Variants in KCNN1 observed in about 807,000 individuals in gnomAD.
KCNN1 encodes the protein small conductance calcium-activated potassium channel protein 1.
In KCNN1, 20 loss-of-function variants were observed where a neutral mutation model predicts 44.7. That is an observed-to-expected ratio of 0.45 (90% CI 0.32 to 0.65). The LOEUF (loss-of-function observed/expected upper bound fraction) is 0.65. Among genes scored for constraint, KCNN1 ranks in the 30% least tolerant of loss-of-function variants. The pLI, the probability that KCNN1 is intolerant of heterozygous loss-of-function variation, is 0.05. For missense variants in KCNN1, 632 were observed against 785.3 expected, an observed-to-expected ratio of 0.80 and a Z score of 2.33; for synonymous variants, 324 against 341.7, an observed-to-expected ratio of 0.95 and a Z score of 0.57.
At chr19:17,965,138 G>A (rs530541566), upstream of KCNN1, among the ~76,000 whole-genome samples, 2 of 152,122 alleles carry the variant, frequency 1.3e-5, no homozygotes, top group Non-Finnish European at 2.9e-5. Flanking sequence ...GGTGGTGCAC[G>A]CCTGTAATCC....
In KCNN1 at chr19:17,993,043, G is replaced by A; in HGVS notation, c.1299-11G>A. 1 of 1,613,564 alleles carries A rather than the reference G, an allele frequency of 6.2e-7. No individual in the cohort carries two copies. Among genetic ancestry groups the A allele is most frequent in the Non-Finnish European group, 8.5e-7 (1 of 1,179,714 alleles). ...TTGTGATTTTTCTCCTGCTCTGCCC[G>A]GTCCTGCCAGGGCTCAGAAGTAAGT... On this transcript the variant is annotated splice_polypyrimidine_tract_variant and intron_variant, in intron 7 of 9. Transcript: ENST00000684775. This position sits in a 1 kb window ranked among gnomAD's most constrained non-coding sequence, Gnocchi z 4.5.
rs74605845 is a variant in KCNN1 at position 17,960,200 on chromosome 19, C to T, written c.-82+5519C>T. 1.1e-4 allele frequency among the ~76,000 whole-genome samples: 17 copies of T among 152,214 alleles called. No homozygotes were observed. The East Asian group carries it at 2.7e-3, about 24-fold the overall frequency. On this transcript the variant is annotated intron_variant, in intron 2 of 10. Transcript: ENST00000222249. ...GGAGCACTAGTGCTGAACCTCATGC[C>T]ACTGGCCTCCAATGAGGCCATATCA...
rs2033047859 is a variant in KCNN1 at position 17,997,723 on chromosome 19, G to A, written c.1378-429G>A. On this transcript the variant is annotated intron_variant, in intron 9 of 9. Coordinates refer to ENST00000684775, the MANE Select transcript of KCNN1 (RefSeq NM_001386974.1). ...TCAAACTCCTGACCTCAGGCGATTC[G>A]CCTGCCTCGGCCTCCCAAAGTGCTG... 2.0e-5 allele frequency among the ~76,000 whole-genome samples: 3 copies of A among 151,906 alleles called. No homozygotes were observed. The South Asian group carries it at 6.2e-4, about 31-fold the overall frequency.
intron 5 of KCNN1, among the ~76,000 whole-genome samples, chr19:17,987,482 G>C (rs1468672882): frequency 6.6e-6 from 1 of 152,130 alleles, no homozygotes; most frequent in Non-Finnish European, 1.5e-5. Context: ...TCATGCTGTT[G>C]CAGAGCCGTT....
At chr19:17,991,135 T>A (rs1481256234) in intron 7 of KCNN1, among the ~76,000 whole-genome samples, 2 of 151,318 alleles carry the variant, frequency 1.3e-5, no homozygotes, top group African/African-American at 4.9e-5. Flanking sequence ...GGAAACATAG[T>A]GAGACCCCAC....
At chr19:17,978,434 T>TG (rs1251733715) in intron 3 of KCNN1, among the ~76,000 whole-genome samples, 2 of 149,782 alleles carry the variant, frequency 1.3e-5, no homozygotes, top group Non-Finnish European at 3.0e-5. Flanking sequence ...GTTTTTTTTT[T>TG]TTTTTTTTTT....
In KCNN1 at chr19:17,974,178, G is replaced by A. The variant is rs768027714; in HGVS notation, c.290G>A (p.Arg97Gln). Residue 97 changes from arginine (R) to glutamine (Q), a missense_variant, in exon 2 of 10, where the codon CGG (arginine) becomes CAG (glutamine). Arg to Gln is a conservative substitution (Grantham distance 43, BLOSUM62 1). Coordinates refer to ENST00000684775, the MANE Select transcript of KCNN1 (RefSeq NM_001386974.1). The surrounding 1 kb of genome is among the most constrained non-coding windows in gnomAD (Gnocchi z 7.3). ...SNVGHRLGHR[R>Q]ALFEKRKRLS... ...GTGGGCCACCGCCTGGGCCACCGGC[G>A]GGCGCTCTTCGAGAAGCGGAAGCGC... is the stretch of plus-strand genomic sequence containing the variant. 12 of 1,612,724 alleles carry A rather than the reference G, an allele frequency of 7.4e-6. No homozygotes were observed. Among genetic ancestry groups the A allele is most frequent in the South Asian group, 3.3e-5 (3 of 91,082 alleles).
At chr19:17,992,432 T>C (rs892921402) in intron 7 of KCNN1, among the ~76,000 whole-genome samples, 1 of 152,082 alleles carries the variant, frequency 6.6e-6, no homozygotes, top group African/African-American at 2.4e-5. Context: ...AAACCCCATC[T>C]CTACTAAAAA....
chr19:17,992,579 TGACAGA>T (rs1339985955), intron 7 of KCNN1, among the ~76,000 whole-genome samples: 4 of 152,042 alleles, frequency 2.6e-5, no homozygotes, highest in South Asian at 2.1e-4. Flanking sequence ...CCCGCCTGGG[TGACAGA>T]GTGAGACTCC....
At chr19:17,966,492 T>C (rs1469620978), upstream of KCNN1, among the ~76,000 whole-genome samples, 1 of 152,212 alleles carries the variant, frequency 6.6e-6, no homozygotes, top group African/African-American at 2.4e-5. Context: ...CCAAACTCCC[T>C]GGGGCTCTGG....
At chr19:17,994,105 G>A (rs1184528869) in intron 9 of KCNN1, among the ~76,000 whole-genome samples, 2 of 152,028 alleles carry the variant, frequency 1.3e-5, no homozygotes, top group Non-Finnish European at 2.9e-5. Context: ...TGTATAATTT[G>A]TATAGCAATT....
upstream of KCNN1, among the ~76,000 whole-genome samples, chr19:17,966,019 G>T (rs377662848): frequency 1.3e-4 from 17 of 132,124 alleles, no homozygotes; most frequent in South Asian, 7.3e-4. Context: ...CTGCCTGCCT[G>T]CCTGCCTTCC....
At chr19:17,964,161 C>G (rs937561606), upstream of KCNN1, among the ~76,000 whole-genome samples, 15 of 152,148 alleles carry the variant, frequency 9.9e-5, no homozygotes, top group African/African-American at 3.6e-4. This position sits in a 1 kb window ranked among gnomAD's most constrained non-coding sequence, Gnocchi z 4.3. Context: ...AAATAAATGG[C>G]TGAATGAGTG....
intron 4 of KCNN1, 53 bp from the exon 5 acceptor site, chr19:17,985,259 C>T (rs2032558070): frequency 2.0e-6 from 3 of 1,484,084 alleles, no homozygotes; most frequent in Non-Finnish European, 1.8e-6. Flanking sequence ...GTGATGGAGG[C>T]AAAGGGGATG....
rs112631513 is a variant in KCNN1 at position 17,974,641 on chromosome 19, A to G, written c.402+351A>G. On this transcript the variant is annotated intron_variant, in intron 2 of 9. Transcript: ENST00000684775. The surrounding 1 kb of genome is among the most constrained non-coding windows in gnomAD (Gnocchi z 7.3). Reference sequence around the variant, plus strand: ...TTCCGAGAGTGAGTGCGTCCAGGTTACAAGCCTGGCTGTGGGTTCCCTCAT... The same window carrying G: ...TTCCGAGAGTGAGTGCGTCCAGGTTGCAAGCCTGGCTGTGGGTTCCCTCAT... 0.022 allele frequency among the ~76,000 whole-genome samples: 3,285 copies of G among 152,258 alleles called. 111 individuals carry two copies. The highest frequency in any genetic ancestry group is 0.074 in the African/African-American group (3,082 of 41,544).
rs897662048 is a variant in KCNN1 at position 17,961,522 on chromosome 19, A to G, written c.-82+6841A>G. Among the ~76,000 whole-genome samples, 7 of 152,002 alleles carry G rather than the reference A, an allele frequency of 4.6e-5. 1 individual carries two copies. The highest frequency in any genetic ancestry group is 3.8e-4 in the East Asian group (2 of 5,200). ...CACTGCACTCCAGTGTGGGTGAGAG[A>G]GTGAGACCCAGCTTCAAAAACAAAA... On this transcript the variant is annotated intron_variant, in intron 2 of 10. Transcript: ENST00000222249.
At chr19:17,990,894 G>A (rs1442192282) in intron 7 of KCNN1, among the ~76,000 whole-genome samples, 1 of 151,928 alleles carries the variant, frequency 6.6e-6, no homozygotes, top group Non-Finnish European at 1.5e-5. Flanking sequence ...ATTTAATAAA[G>A]TAGCTCTAAA....
intron 9 of KCNN1, among the ~76,000 whole-genome samples, chr19:17,994,488 A>G (rs1343216681): frequency 6.6e-6 from 1 of 151,420 alleles, no homozygotes; most frequent in Non-Finnish European, 1.5e-5. Flanking sequence ...TTTGTGTTAT[A>G]CATGGATCTG....
rs11882509 is a variant in KCNN1, at chr19:17,967,116, C to T, written c.-283C>T. 5 of 978,166 alleles carry T rather than the reference C, an allele frequency of 5.1e-6. No homozygotes were observed. Among genetic ancestry groups the T allele is most frequent in the Non-Finnish European group, 6.1e-6 (5 of 825,448 alleles). 60.6% of individuals were successfully genotyped at this position (978,166 alleles called of 1,614,324 possible). On this transcript the variant is annotated 5_prime_UTR_variant, in exon 1 of 10. Coordinates refer to ENST00000684775, the MANE Select transcript of KCNN1 (RefSeq NM_001386974.1). Reference sequence around the variant, plus strand: ...CTCTCCCGGCCCGGGCGGGCGCTCGCCCCCCGCCGGGCCCGTGGACTGGGC... The same window carrying T: ...CTCTCCCGGCCCGGGCGGGCGCTCGTCCCCCGCCGGGCCCGTGGACTGGGC...
Sources: gnomAD v4.1 joint callset for allele counts (sites outside exome capture counted in the v4.1 genomes callset) on GRCh38, gnomAD v4.1.1 for gene constraint, Gnocchi (gnomAD v3.1) non-coding constraint, MANE v1.5 for transcripts, NCBI Gene and HGNC (gene_info 2026-07-23, HGNC 2026-07-21) for gene names.